The following MYO1D variants were observed in gnomAD, a reference collection of about 807,000 sequenced individuals.
The protein encoded by MYO1D is myosin ID, also known as unconventional myosin-Id.
A neutral mutation model predicts 122.0 loss-of-function variants in MYO1D; 83 were observed. The observed-to-expected ratio is 0.68, with a 90% CI of 0.57 to 0.82. The LOEUF is 0.82. Ranked by LOEUF, MYO1D falls within the 40% of genes least tolerant of loss-of-function variation. MYO1D has a pLI of 0.00. For synonymous variants in MYO1D, 464 were observed against 446.9 expected (o/e 1.04, Z -0.48); for missense variants, 1,157 against 1,269.5 (o/e 0.91, Z 1.35).
At chr17:32,846,959 C>T (rs1477031396) in intron 1 of MYO1D, among the ~76,000 whole-genome samples, 1 of 152,092 alleles carries the variant, frequency 6.6e-6, no homozygotes, top group African/African-American at 2.4e-5. Flanking sequence ...TGAACTCCAG[C>T]CTGGGGAACA....
chr17:32,730,345 A>G (rs952905160), intron 14 of MYO1D, among the ~76,000 whole-genome samples: 1 of 152,098 alleles, frequency 6.6e-6, no homozygotes, highest in African/African-American at 2.4e-5. Flanking sequence ...TGATAACTCT[A>G]ATCTGTATTT....
At chr17:32,814,169 C>A (rs1454063260) in intron 1 of MYO1D, among the ~76,000 whole-genome samples, 1 of 152,096 alleles carries the variant, frequency 6.6e-6, no homozygotes, top group Non-Finnish European at 1.5e-5. Flanking sequence ...CATGGTAAAA[C>A]CCTGTCTCCA....
intron 16 of MYO1D, among the ~76,000 whole-genome samples, chr17:32,676,224 A>G (rs766206356): frequency 6.6e-6 from 1 of 152,124 alleles, no homozygotes; most frequent in Non-Finnish European, 1.5e-5. Flanking sequence ...TACCATATAA[A>G]TAGTTTAAAA....
intron 21 of MYO1D, among the ~76,000 whole-genome samples, chr17:32,555,233 G>A (rs1283578859): frequency 2.0e-5 from 3 of 150,994 alleles, no homozygotes; most frequent in African/African-American, 7.3e-5. Flanking sequence ...ACACCTGTGT[G>A]GTTAGCATGA....
intron 21 of MYO1D, among the ~76,000 whole-genome samples, chr17:32,572,232 C>T (rs2087237519): frequency 6.6e-6 from 1 of 151,258 alleles, no homozygotes; most frequent in South Asian, 2.1e-4. Context: ...CTTTTACTCC[C>T]CCTCGCCCAC....
intron 16 of MYO1D, among the ~76,000 whole-genome samples, chr17:32,668,598 A>G (rs954397816): frequency 7.9e-5 from 12 of 152,356 alleles, no homozygotes; most frequent in Admixed American, 5.9e-4. Context: ...GCTCCCCGAA[A>G]AAAGGGTTCC....
At chr17:32,736,941 T>C (rs1247282607) in intron 14 of MYO1D, among the ~76,000 whole-genome samples, 4 of 152,152 alleles carry the variant, frequency 2.6e-5, no homozygotes, top group Non-Finnish European at 5.9e-5. Flanking sequence ...CCCCTGCCTT[T>C]CTGGAGGTTT....
intron 3 of MYO1D, among the ~76,000 whole-genome samples, chr17:32,777,818 C>T (rs2090192222): frequency 6.6e-6 from 1 of 152,120 alleles, no homozygotes; most frequent in South Asian, 2.1e-4. Context: ...CCTGTAGTCC[C>T]AGCTACTCGG....
intron 6 of MYO1D, among the ~76,000 whole-genome samples, chr17:32,770,222 G>A (rs938915312): frequency 6.6e-6 from 1 of 152,112 alleles, no homozygotes; most frequent in African/African-American, 2.4e-5. Flanking sequence ...AATAATGCAG[G>A]TATAATTAGC....
intron 21 of MYO1D, among the ~76,000 whole-genome samples, chr17:32,520,049 G>A (rs1042555489): frequency 1.3e-5 from 2 of 152,158 alleles, no homozygotes; most frequent in African/African-American, 4.8e-5. Flanking sequence ...TGCTTTACGT[G>A]ACACTTTTCC....
At chr17:32,603,981 T>C (rs1377010805) in intron 21 of MYO1D, among the ~76,000 whole-genome samples, 1 of 152,198 alleles carries the variant, frequency 6.6e-6, no homozygotes, top group East Asian at 1.9e-4. Flanking sequence ...TTACAGCATG[T>C]AAAAGCATTT....
intron 1 of MYO1D, among the ~76,000 whole-genome samples, chr17:32,848,053 A>C (rs958026222): frequency 2.6e-5 from 4 of 152,246 alleles, no homozygotes; most frequent in African/African-American, 9.6e-5. Context: ...TGCTGAAATG[A>C]ATACACATGA....
chr17:32,770,283 C>T (rs73281872), intron 6 of MYO1D, among the ~76,000 whole-genome samples: 1 of 152,028 alleles, frequency 6.6e-6, no homozygotes, highest in African/African-American at 2.4e-5. Context: ...TATCTTAGAT[C>T]TTTTTCCTTT....
intron 10 of MYO1D, chr17:32,759,886 C>G (rs12939762): frequency 0.17 from 79,789 of 477,664 alleles, 7,922 homozygotes; most frequent in Non-Finnish European, 0.21. Flanking sequence ...CAATAAAATA[C>G]CATATAGTCT....
intron 21 of MYO1D, among the ~76,000 whole-genome samples, chr17:32,579,058 T>C (rs1373786818): frequency 6.6e-6 from 1 of 152,188 alleles, no homozygotes; most frequent in Non-Finnish European, 1.5e-5. Flanking sequence ...TTTTTTATTT[T>C]TTATTTTCTT....
chr17:32,677,907 T>C (rs931858239), intron 16 of MYO1D, among the ~76,000 whole-genome samples: 3 of 152,174 alleles, frequency 2.0e-5, no homozygotes, highest in Non-Finnish European at 4.4e-5. Context: ...AACTGGCTTA[T>C]GATCAATATT....
At position 32,773,459 on chromosome 17, in the gene MYO1D, G is replaced by A. The variant is rs559159188; in HGVS notation, c.565-617C>T. Reference sequence around the variant, plus strand: ...GTGTCTGATCACTGTGGGGACACTTGCCTTGATCCTTCACCTTGGTGGCAA... The same window carrying A: ...GTGTCTGATCACTGTGGGGACACTTACCTTGATCCTTCACCTTGGTGGCAA... On this transcript the variant is annotated intron_variant, in intron 4 of 21. Transcript: ENST00000318217. Among the ~76,000 whole-genome samples, 4 of 152,184 alleles carry A rather than the reference G, an allele frequency of 2.6e-5. No individual in the cohort carries two copies. The South Asian group carries it at 8.3e-4, about 32-fold the overall frequency.
intron 8 of MYO1D, among the ~76,000 whole-genome samples, chr17:32,763,745 C>A (rs1385539671): frequency 2.0e-5 from 3 of 152,146 alleles, no homozygotes; most frequent in Admixed American, 2.0e-4. Context: ...CATGGTGAAA[C>A]CTTGTCTCTA....
chr17:32,809,154 G>A (rs1297114028), intron 1 of MYO1D, among the ~76,000 whole-genome samples: 1 of 131,996 alleles, frequency 7.6e-6, no homozygotes, highest in East Asian at 2.3e-4. Context: ...AAAAAAAACT[G>A]TCACCCATCC....
Sources: allele counts gnomAD v4.1 joint callset (sites outside exome capture counted in the v4.1 genomes callset), GRCh38; gene constraint gnomAD v4.1.1; transcripts MANE v1.5; gene names NCBI Gene and HGNC (gene_info 2026-07-23, HGNC 2026-07-21).